The following PGCKA1 variants were observed in gnomAD, a reference collection of about 807,000 sequenced individuals.
PGCKA1 encodes PDCD10 and GCKIII kinases-associated protein 1.
chr4:37,456,879 A>T, the PGCKA1 span, among the ~76,000 whole-genome samples: 1 of 152,248 alleles, frequency 6.6e-6, no homozygotes, highest in Non-Finnish European at 1.5e-5. Context: ...GAGAGAAGTG[A>T]ACTGATTCGA....
the PGCKA1 span, among the ~76,000 whole-genome samples, chr4:37,456,430 C>G: frequency 6.6e-6 from 1 of 152,146 alleles, no homozygotes; most frequent in Non-Finnish European, 1.5e-5. Flanking sequence ...CGTAAAACAC[C>G]AAGCCAATGA....
the PGCKA1 span, among the ~76,000 whole-genome samples, chr4:37,492,046 C>CTTTTTT: frequency 6.8e-6 from 1 of 147,514 alleles, no homozygotes; most frequent in Non-Finnish European, 1.5e-5. This position sits in a 1 kb window ranked among gnomAD's most constrained non-coding sequence, Gnocchi z 4.7. Flanking sequence ...ATTATTTTTT[C>CTTTTTT]TTTTTTTTTT....
At chr4:37,523,711 G>A in the PGCKA1 span, among the ~76,000 whole-genome samples, 15 of 151,944 alleles carry the variant, frequency 9.9e-5, no homozygotes, top group African/African-American at 3.6e-4. Context: ...TTGTTCAGTC[G>A]GCTATAGCAA....
At chr4:37,510,682 T>A in the PGCKA1 span, among the ~76,000 whole-genome samples, 1 of 152,130 alleles carries the variant, frequency 6.6e-6, no homozygotes, top group Non-Finnish European at 1.5e-5. Context: ...GCCCTGGTTC[T>A]CACCCAAGGC....
At chr4:37,531,248 G>T in the PGCKA1 span, among the ~76,000 whole-genome samples, 1 of 152,150 alleles carries the variant, frequency 6.6e-6, no homozygotes, top group South Asian at 2.1e-4. Context: ...GGAAACTGAG[G>T]ATTGCCTCAA....
the PGCKA1 span, among the ~76,000 whole-genome samples, chr4:37,516,813 G>A: frequency 7.9e-5 from 12 of 152,196 alleles, no homozygotes; most frequent in African/African-American, 2.9e-4. Context: ...GAAATTAATC[G>A]CTTATTTTAA....
chr4:37,555,046 T>C, the PGCKA1 span, among the ~76,000 whole-genome samples: 5 of 152,148 alleles, frequency 3.3e-5, no homozygotes, highest in Non-Finnish European at 5.9e-5. Flanking sequence ...CATCTCATCT[T>C]TTAGATCCCA....
the PGCKA1 span, chr4:37,590,356 A>G: frequency 6.2e-7 from 1 of 1,613,766 alleles, no homozygotes; most frequent in Non-Finnish European, 8.5e-7. Context: ...TGTCAACGGC[A>G]TCGGCCCTGC....
the PGCKA1 span, among the ~76,000 whole-genome samples, chr4:37,468,221 T>A: frequency 6.6e-6 from 1 of 152,220 alleles, no homozygotes; most frequent in East Asian, 1.9e-4. Context: ...ACACAGTGTG[T>A]CTCAGGGACT....
the PGCKA1 span, among the ~76,000 whole-genome samples, chr4:37,549,114 G>A: frequency 6.6e-6 from 1 of 152,226 alleles, no homozygotes; most frequent in East Asian, 1.9e-4. Flanking sequence ...TTCACTTCGT[G>A]TCTCTCACCA....
At chr4:37,500,647 T>C in the PGCKA1 span, among the ~76,000 whole-genome samples, 1 of 152,202 alleles carries the variant, frequency 6.6e-6, no homozygotes, top group African/African-American at 2.4e-5. Context: ...TTTGATCCAG[T>C]GCTGAGTTCA....
chr4:37,522,734 A>C, the PGCKA1 span, among the ~76,000 whole-genome samples: 1 of 152,076 alleles, frequency 6.6e-6, no homozygotes, highest in Non-Finnish European at 1.5e-5. Flanking sequence ...CCTTCAAGTC[A>C]GCAGTTTCCC....
chr4:37,482,939 G>A, the PGCKA1 span, among the ~76,000 whole-genome samples: 1 of 152,174 alleles, frequency 6.6e-6, no homozygotes, highest in Non-Finnish European at 1.5e-5. Context: ...GTTTTGAAAT[G>A]TGAGGACATG....
At chr4:37,517,177 G>C in the PGCKA1 span, among the ~76,000 whole-genome samples, 6 of 151,508 alleles carry the variant, frequency 4.0e-5, no homozygotes, top group African/African-American at 9.7e-5. Flanking sequence ...CTTGAACCCG[G>C]GAGGCGGAGG....
chr4:37,517,601 GTTTTC>G, the PGCKA1 span, among the ~76,000 whole-genome samples: 1 of 151,940 alleles, frequency 6.6e-6, no homozygotes, highest in South Asian at 2.1e-4. Context: ...CTGCCAGTCA[GTTTTC>G]TTTTCTTTTT....
At chr4:37,483,875 G>A in the PGCKA1 span, among the ~76,000 whole-genome samples, 1 of 152,128 alleles carries the variant, frequency 6.6e-6, no homozygotes, top group African/African-American at 2.4e-5. Context: ...GAGATGCATG[G>A]GAACTAAAGT....
the PGCKA1 span, among the ~76,000 whole-genome samples, chr4:37,494,489 G>C: frequency 6.6e-6 from 1 of 152,200 alleles, no homozygotes; most frequent in East Asian, 1.9e-4. Context: ...ATATTCCATA[G>C]TGTATATGTA....
chr4:37,578,257 G>T, the PGCKA1 span, among the ~76,000 whole-genome samples: 2,392 of 152,236 alleles, frequency 0.016, 117 homozygotes, highest in East Asian at 0.13. Flanking sequence ...ATTTACAATT[G>T]TTATATCCTC....
the PGCKA1 span, among the ~76,000 whole-genome samples, chr4:37,542,061 C>A: frequency 6.6e-6 from 1 of 152,106 alleles, no homozygotes; most frequent in Non-Finnish European, 1.5e-5. Context: ...CCCTGTACAG[C>A]GCATCTTCCA....
Sources: allele counts gnomAD v4.1 joint callset (sites outside exome capture counted in the v4.1 genomes callset), GRCh38; gene constraint gnomAD v4.1.1; non-coding constraint Gnocchi (gnomAD v3.1); transcripts MANE v1.5; gene names NCBI Gene and HGNC (gene_info 2026-07-23, HGNC 2026-07-21).